ANGPT1: variants seen among roughly 807,000 people sequenced by gnomAD.
The protein encoded by ANGPT1 is angiopoietin-1.
ANGPT1 carries 17 observed loss-of-function variants against 62.2 expected under a neutral mutation model. That is an observed-to-expected ratio of 0.27 (90% CI 0.19 to 0.41). The LOEUF is 0.41. Among genes scored for constraint, ANGPT1 ranks in the 10% least tolerant of loss-of-function variants. The pLI is 1.00. For missense variants in ANGPT1, 478 were observed against 594.9 expected, an observed-to-expected ratio of 0.80 and a Z score of 2.04; for synonymous variants, 199 against 198.9, an observed-to-expected ratio of 1.00 and a Z score of 0.00.
intron 6 of ANGPT1, among the ~76,000 whole-genome samples, chr8:107,287,898 C>T (rs1814180298): frequency 1.3e-5 from 2 of 152,238 alleles, no homozygotes; most frequent in Non-Finnish European, 2.9e-5. Flanking sequence ...AAGCACTTAA[C>T]TGAGCACTGA....
intron 1 of ANGPT1, among the ~76,000 whole-genome samples, chr8:107,358,660 T>C: frequency 6.6e-6 from 1 of 152,248 alleles, no homozygotes; most frequent in East Asian, 1.9e-4. Flanking sequence ...TAATCTAGTT[T>C]TGGCAGCTGT....
Position 107,293,951 on chromosome 8 carries a change from C to T in ANGPT1, c.1023G>A (p.Trp341Ter). The change falls in exon 6 of 9, where the codon TGG (tryptophan) becomes TGA (stop). Residue 341 changes from tryptophan (W) to a stop codon, truncating the protein, a stop_gained. Transcript: ENST00000517746. LOFTEE classifies it high-confidence loss of function. ...EDGSLDFQRG[W>*]KEYKMGFGNP... is the part of the protein sequence containing the mutation. ...TGCATCTTACCATTTTATATTCCTT[C>T]CAGCCTCTTTGGAAATCTAGACTTC... 6.2e-7 allele frequency: 1 copy of T among 1,613,050 alleles called. No homozygotes were observed. The highest frequency in any genetic ancestry group is 8.5e-7 in the Non-Finnish European group (1 of 1,179,494).
chr8:107,394,260 T>C (rs192147667), intron 1 of ANGPT1, among the ~76,000 whole-genome samples: 4 of 152,314 alleles, frequency 2.6e-5, no homozygotes, highest in East Asian at 1.9e-4. Flanking sequence ...CCACTTTCTC[T>C]AGTTTTGATC....
At position 107,381,989 on chromosome 8, in the gene ANGPT1, CA is replaced by C. The variant is rs368980959; in HGVS notation, c.298-34893del. On this transcript the variant is annotated intron_variant, in intron 1 of 8. Transcript: ENST00000517746. Reference sequence around the variant, plus strand: ...GAGGAAAGACATGCAGGAGTCTTGGCAAGATGAATGGGCTTGATTTATATCA... The same window carrying C: ...GAGGAAAGACATGCAGGAGTCTTGGCAGATGAATGGGCTTGATTTATATCA... Among the ~76,000 whole-genome samples, 35 of 152,172 alleles carry C rather than the reference CA, an allele frequency of 2.3e-4. No homozygotes were observed. In the South Asian group the frequency reaches 6.6e-3, roughly 29 times the overall value.
chr8:107,265,582 A>G (rs928483969), intron 7 of ANGPT1, among the ~76,000 whole-genome samples: 3 of 152,062 alleles, frequency 2.0e-5, no homozygotes, highest in African/African-American at 7.2e-5. Flanking sequence ...AACTCTACCT[A>G]ACACTGCTTC....
intron 1 of ANGPT1, among the ~76,000 whole-genome samples, chr8:107,391,973 G>A (rs905250598): frequency 1.3e-5 from 2 of 152,100 alleles, no homozygotes; most frequent in African/African-American, 4.8e-5. Context: ...GGGTATATAT[G>A]GTTCCTCACT....
At chr8:107,405,072 T>TACC (rs1182370716) in intron 1 of ANGPT1, among the ~76,000 whole-genome samples, 2 of 151,944 alleles carry the variant, frequency 1.3e-5, no homozygotes, top group African/African-American at 4.8e-5. Context: ...AAATATATAT[T>TACC]AATTGTAGTA....
At chr8:107,316,596 T>C (rs1206308545) in intron 4 of ANGPT1, among the ~76,000 whole-genome samples, 1 of 152,176 alleles carries the variant, frequency 6.6e-6, no homozygotes, top group African/African-American at 2.4e-5. Context: ...TTTTCCTACA[T>C]TGTCACTGGG....
chr8:107,452,862 A>T (rs1469308686), intron 1 of ANGPT1, among the ~76,000 whole-genome samples: 1 of 152,008 alleles, frequency 6.6e-6, no homozygotes, highest in Non-Finnish European at 1.5e-5. Context: ...TTTTTTGCTT[A>T]GTCTTCCTCA....
chr8:107,297,468 A>G (rs896165163), intron 5 of ANGPT1, among the ~76,000 whole-genome samples: 5 of 151,778 alleles, frequency 3.3e-5, no homozygotes, highest in Admixed American at 2.0e-4. Flanking sequence ...CATCTCTTAC[A>G]TGTATTACTG....
At chr8:107,359,350 T>C (rs533767898) in intron 1 of ANGPT1, among the ~76,000 whole-genome samples, 9 of 152,286 alleles carry the variant, frequency 5.9e-5, no homozygotes, top group Non-Finnish European at 1.3e-4. Context: ...AGCTGTGTAA[T>C]GAATCTTCCC....
At chr8:107,390,858 T>G (rs1482759622) in intron 1 of ANGPT1, among the ~76,000 whole-genome samples, 1 of 152,008 alleles carries the variant, frequency 6.6e-6, no homozygotes, top group East Asian at 1.9e-4. Flanking sequence ...CCAGGCTAGG[T>G]TCTGAATCTA....
At chr8:107,406,915 G>C in intron 1 of ANGPT1, among the ~76,000 whole-genome samples, 1 of 146,428 alleles carries the variant, frequency 6.8e-6, no homozygotes, top group South Asian at 2.2e-4. Context: ...TCTACATAAA[G>C]TCTACCTCCT....
At chr8:107,456,714 A>T (rs1487312187) in intron 1 of ANGPT1, among the ~76,000 whole-genome samples, 1 of 152,072 alleles carries the variant, frequency 6.6e-6, no homozygotes, top group East Asian at 1.9e-4. Context: ...TCTAAAATAC[A>T]AGTCTCAAAG....
At chr8:107,433,133 G>A (rs2130410634) in intron 1 of ANGPT1, among the ~76,000 whole-genome samples, 1 of 152,068 alleles carries the variant, frequency 6.6e-6, no homozygotes, top group Admixed American at 6.5e-5. Context: ...TGAGATCATT[G>A]CCCATTTGGT....
chr8:107,351,880 A>G (rs1263914769), intron 1 of ANGPT1, among the ~76,000 whole-genome samples: 1 of 152,180 alleles, frequency 6.6e-6, no homozygotes, highest in South Asian at 2.1e-4. Flanking sequence ...CAAAGCCTCT[A>G]CAAAGGCTAG....
At position 107,251,813 on chromosome 8, in the gene ANGPT1, G is replaced by A. The variant is rs1382403246; in HGVS notation, c.*42C>T. On this transcript the variant is annotated 3_prime_UTR_variant, in exon 9 of 9. Transcript: ENST00000517746. ...AGTTTCTCACCTGGCAGCTTCTCCGGATTTCTTTGTTGCTTTCATAATCGC... is the reference window on the plus strand; with the variant it reads ...AGTTTCTCACCTGGCAGCTTCTCCGAATTTCTTTGTTGCTTTCATAATCGC... 2 of 1,608,246 alleles carry A rather than the reference G, an allele frequency of 1.2e-6. No homozygotes were observed. The highest frequency in any genetic ancestry group is 1.7e-6 in the Non-Finnish European group (2 of 1,176,432).
At position 107,441,549 on chromosome 8, in the gene ANGPT1, C is replaced by A. The variant is rs536955036; in HGVS notation, c.297+55713G>T. Among the ~76,000 whole-genome samples the A allele has an allele frequency of 2.0e-5, 3 of 152,308 alleles. No homozygotes were observed. The South Asian group carries it at 6.2e-4, about 32-fold the overall frequency. On this transcript the variant is annotated intron_variant, in intron 1 of 8. Coordinates refer to ENST00000517746, the MANE Select transcript of ANGPT1 (RefSeq NM_001146.5). ...TTGCCAAGTAGAGAGAAAATCAGCT[C>A]ATCAGCTCAGGAGTCGGACAGATCT...
chr8:107,394,375 A>G (rs1403553488), intron 1 of ANGPT1, among the ~76,000 whole-genome samples: 3 of 152,202 alleles, frequency 2.0e-5, no homozygotes, highest in African/African-American at 7.2e-5. Flanking sequence ...GAAAAGATTA[A>G]TGAGCATTTT....
Sources: allele counts gnomAD v4.1 joint callset (sites outside exome capture counted in the v4.1 genomes callset), GRCh38; gene constraint gnomAD v4.1.1; transcripts MANE v1.5; gene names NCBI Gene and HGNC (gene_info 2026-07-23, HGNC 2026-07-21).